GALNTL6: variants seen among roughly 807,000 people sequenced by gnomAD.
The protein encoded by GALNTL6 is polypeptide N-acetylgalactosaminyltransferase-like 6.
Under a neutral mutation model 73.7 loss-of-function variants are expected in GALNTL6, and 46 were observed. The observed-to-expected ratio is 0.62, with a 90% CI of 0.49 to 0.80. The LOEUF (loss-of-function observed/expected upper bound fraction) is 0.80, where lower values mean the gene tolerates loss of function less well. GALNTL6 is among the 30% of genes least tolerant of loss of function. The probability of loss-of-function intolerance (pLI) is 0.00; values close to 1 mark genes in which losing one functional copy is unlikely to be tolerated. For missense variants in GALNTL6, 604 were observed against 755.0 expected (o/e 0.80, Z 2.34); for synonymous variants, 259 against 263.7 (o/e 0.98, Z 0.17).
At chr4:172,435,794 ATTC>A (rs1310611798) in intron 5 of GALNTL6, among the ~76,000 whole-genome samples, 2 of 152,146 alleles carry the variant, frequency 1.3e-5, no homozygotes, top group Admixed American at 6.6e-5. Flanking sequence ...GTCTGATTCT[ATTC>A]TTCTTTAAAA....
rs529049143 is a variant in GALNTL6, at chr4:172,727,998, C to T, written c.554-81363C>T. Reference sequence around the variant, plus strand: ...CGGGATCTCAGCTCACTGCAACCTCCGCCTCCTGGGTTCAAGCGATTCTCC... The same window carrying T: ...CGGGATCTCAGCTCACTGCAACCTCTGCCTCCTGGGTTCAAGCGATTCTCC... On this transcript the variant is annotated intron_variant, in intron 5 of 12. Coordinates refer to ENST00000506823, the MANE Select transcript of GALNTL6 (RefSeq NM_001034845.3). Among the ~76,000 whole-genome samples the T allele has an allele frequency of 4.9e-4, 74 of 152,074 alleles. 1 individual carries two copies. Among genetic ancestry groups the T allele is most frequent in the African/African-American group, 1.2e-3 (50 of 41,502 alleles).
At chr4:172,443,166 CTTTTTT>C (rs34479815) in intron 5 of GALNTL6, among the ~76,000 whole-genome samples, 1 of 61,136 alleles carries the variant, frequency 1.6e-5, no homozygotes, top group Non-Finnish European at 3.1e-5. Flanking sequence ...ATATATATTT[CTTTTTT>C]TTTTTTTTTT....
chr4:172,835,653 T>A (rs1440307647), intron 7 of GALNTL6, among the ~76,000 whole-genome samples: 1 of 152,066 alleles, frequency 6.6e-6, no homozygotes, highest in Admixed American at 6.5e-5. Flanking sequence ...GGGTGTACCA[T>A]CCGGAATAGT....
At chr4:172,528,839 A>G (rs1343361009) in intron 5 of GALNTL6, among the ~76,000 whole-genome samples, 1 of 149,698 alleles carries the variant, frequency 6.7e-6, no homozygotes, top group Non-Finnish European at 1.5e-5. Flanking sequence ...GTACTATGCC[A>G]GGCACTTTTG....
intron 2 of GALNTL6, among the ~76,000 whole-genome samples, chr4:171,927,006 G>C (rs567147036): frequency 1.0e-3 from 159 of 151,616 alleles, no homozygotes; most frequent in Non-Finnish European, 1.6e-3. Context: ...AGAATGTTTA[G>C]TTTATTTTAA....
intron 5 of GALNTL6, among the ~76,000 whole-genome samples, chr4:172,774,485 T>A (rs923579704): frequency 2.0e-5 from 3 of 152,210 alleles, no homozygotes; most frequent in African/African-American, 7.2e-5. Context: ...ATATTGAAGA[T>A]TACTTCGATA....
At chr4:172,682,770 C>T (rs1343555356) in intron 5 of GALNTL6, among the ~76,000 whole-genome samples, 4 of 151,916 alleles carry the variant, frequency 2.6e-5, no homozygotes, top group Non-Finnish European at 5.9e-5. Flanking sequence ...ACATTTAAGA[C>T]AATTTTAACC....
chr4:172,784,146 T>C (rs1174644621), intron 5 of GALNTL6, among the ~76,000 whole-genome samples: 1 of 152,132 alleles, frequency 6.6e-6, no homozygotes, highest in Non-Finnish European at 1.5e-5. Context: ...AAGCTGTAAA[T>C]ATAATTCCAT....
At chr4:172,781,852 A>G (rs963989898) in intron 5 of GALNTL6, among the ~76,000 whole-genome samples, 2 of 151,736 alleles carry the variant, frequency 1.3e-5, no homozygotes, top group East Asian at 1.9e-4. Context: ...GTTAATGGGC[A>G]TGTATTATTT....
At chr4:172,748,251 G>A (rs540048867) in intron 5 of GALNTL6, among the ~76,000 whole-genome samples, 1 of 152,242 alleles carries the variant, frequency 6.6e-6, no homozygotes, top group East Asian at 1.9e-4. Flanking sequence ...AGGGCACAGG[G>A]CGGGACCTAA....
At chr4:172,300,571 G>A (rs1178758610) in intron 3 of GALNTL6, among the ~76,000 whole-genome samples, 3 of 152,122 alleles carry the variant, frequency 2.0e-5, no homozygotes, top group Admixed American at 6.5e-5. Context: ...GCCTGGTGGT[G>A]TCAAAATCTG....
chr4:172,004,772 T>G (rs200033186), intron 2 of GALNTL6, among the ~76,000 whole-genome samples: 1 of 80,720 alleles, frequency 1.2e-5, no homozygotes, highest in Non-Finnish European at 2.7e-5. Flanking sequence ...GCCCAATTAC[T>G]GAAGCATTGT....
rs575687845 is a variant in GALNTL6, at chr4:171,852,908, C to G, written c.138+38190C>G. ...GTCGCCCAGGCTGGAATGCAGTGGC[C>G]CGATCTCGGCTCACTGCAAGCTCCG... On this transcript the variant is annotated intron_variant, in intron 2 of 12. Transcript: ENST00000506823. Among the ~76,000 whole-genome samples the G allele has an allele frequency of 8.7e-3, 1,319 of 151,826 alleles. 20 individuals carry two copies. Among genetic ancestry groups the G allele is most frequent in the African/African-American group, 0.03 (1,260 of 41,404 alleles).
intron 2 of GALNTL6, among the ~76,000 whole-genome samples, chr4:172,128,055 G>A (rs1183716732): frequency 6.6e-6 from 1 of 152,102 alleles, no homozygotes; most frequent in Non-Finnish European, 1.5e-5. Context: ...AGTGCACCGA[G>A]ATGGTGCCAT....
intron 5 of GALNTL6, among the ~76,000 whole-genome samples, chr4:172,489,643 G>A (rs180947395): frequency 3.9e-5 from 6 of 152,048 alleles, no homozygotes; most frequent in Admixed American, 2.6e-4. Flanking sequence ...AGAATTCCTG[G>A]CATTATTTTT....
intron 5 of GALNTL6, among the ~76,000 whole-genome samples, chr4:172,648,526 C>T (rs773478892): frequency 3.3e-5 from 5 of 152,066 alleles, no homozygotes; most frequent in Non-Finnish European, 5.9e-5. Flanking sequence ...AAAACTAAGG[C>T]TTATCTTGCC....
intron 5 of GALNTL6, among the ~76,000 whole-genome samples, chr4:172,490,413 T>C (rs1733854030): frequency 6.6e-6 from 1 of 152,182 alleles, no homozygotes; most frequent in African/African-American, 2.4e-5. Context: ...AATATGTTAC[T>C]GGAAGAAATT....
At chr4:172,661,041 T>A (rs1414690638) in intron 5 of GALNTL6, among the ~76,000 whole-genome samples, 2 of 152,170 alleles carry the variant, frequency 1.3e-5, no homozygotes, top group Non-Finnish European at 2.9e-5. Context: ...TTATGACAAC[T>A]GGATTGGGCC....
At chr4:172,730,445 G>A (rs747354339) in intron 5 of GALNTL6, among the ~76,000 whole-genome samples, 2 of 152,180 alleles carry the variant, frequency 1.3e-5, no homozygotes, top group African/African-American at 2.4e-5. Context: ...ATAAAGGGAT[G>A]CTGAATTTTA....
Sources: gnomAD v4.1 joint callset for allele counts (sites outside exome capture counted in the v4.1 genomes callset) on GRCh38, gnomAD v4.1.1 for gene constraint, MANE v1.5 for transcripts, NCBI Gene and HGNC (gene_info 2026-07-23, HGNC 2026-07-21) for gene names.